The following IFT88 variants were observed in gnomAD, a reference collection of about 807,000 sequenced individuals.
IFT88 encodes intraflagellar transport 88.
Under a neutral mutation model 119.5 loss-of-function variants are expected in IFT88, and 74 were observed. That is an observed-to-expected ratio of 0.62 (90% CI 0.51 to 0.75). IFT88 has a LOEUF of 0.75. IFT88 is among the 30% of genes least tolerant of loss of function. The pLI is 0.00. For synonymous variants in IFT88, 279 were observed against 316.7 expected, an observed-to-expected ratio of 0.88 and a Z score of 1.26; for missense variants, 961 against 977.7, an observed-to-expected ratio of 0.98 and a Z score of 0.23.
intron 9 of IFT88, among the ~76,000 whole-genome samples, chr13:20,597,699 T>G (rs535569519): frequency 3.5e-4 from 52 of 149,672 alleles, no homozygotes; most frequent in Non-Finnish European, 4.3e-4. Flanking sequence ...AGCCAAGATC[T>G]TGCCACCACA....
chr13:20,596,876 C>A (rs2041735717), intron 8 of IFT88, 139 bp from the exon 9 acceptor site: 1 of 465,878 alleles, frequency 2.1e-6, no homozygotes, highest in East Asian at 3.4e-5. Context: ...AGGGAAGTTT[C>A]TGGTAAGAGC....
chr13:20,597,056 C>G lies in IFT88; in HGVS notation c.531C>G (p.Val177=), dbSNP rs1297777921. The change falls in exon 9 of 26, where the codon GTC becomes GTG. Residue 177 remains valine (V), a synonymous_variant. Transcript: ENST00000351808. ...KAKDAGRKER[V]LVRQREQVTT... ...AAGATGCAGGAAGAAAAGAGAGAGT[C>G]CTGGTGAGACAGCGAGAACAAGTTA... 2 of 1,608,226 alleles carry G rather than the reference C, an allele frequency of 1.2e-6. No individual in the cohort carries two copies. The highest frequency in any genetic ancestry group is 2.2e-5 in the South Asian group (2 of 89,882).
At chr13:20,601,483 G>T (rs1320928260) in intron 11 of IFT88, among the ~76,000 whole-genome samples, 3 of 152,078 alleles carry the variant, frequency 2.0e-5, no homozygotes, top group Non-Finnish European at 4.4e-5. Flanking sequence ...TAAGGATGTG[G>T]TTATAGTTCC....
intron 16 of IFT88, among the ~76,000 whole-genome samples, chr13:20,637,268 G>T (rs1022841544): frequency 1.3e-5 from 2 of 152,156 alleles, no homozygotes; most frequent in African/African-American, 2.4e-5. Flanking sequence ...AAGGGGTCAG[G>T]TTTATTATAT....
rs1250851370 is a variant in IFT88, at chr13:20,569,795, G to A, written c.-7+2539G>A. Among the ~76,000 whole-genome samples, 11 of 152,128 alleles carry A rather than the reference G, an allele frequency of 7.2e-5. No individual in the cohort carries two copies. The East Asian group carries it at 2.1e-3, about 29-fold the overall frequency. ...TGTAATCCCAGCACTCTGGGAGGCC[G>A]AGGTGGGCGGATCACAAGGTCAGGA... On this transcript the variant is annotated intron_variant, in intron 1 of 25. Transcript: ENST00000351808.
chr13:20,586,063 G>A (rs573991092), intron 3 of IFT88, among the ~76,000 whole-genome samples: 1 of 152,284 alleles, frequency 6.6e-6, no homozygotes, highest in South Asian at 2.1e-4. Flanking sequence ...TCACGTAACA[G>A]GTGATAATTT....
rs566754896 is a variant in IFT88, at chr13:20,588,957, A to G, written c.154-854A>G. ...GCGTTCTTGGCAGGCCCTCATCACC[A>G]GTGTTTATCCCTTCAGGCTGTGAGT... On this transcript the variant is annotated intron_variant, in intron 3 of 25. Coordinates refer to ENST00000351808, the MANE Select transcript of IFT88 (RefSeq NM_006531.5). 5.3e-5 allele frequency among the ~76,000 whole-genome samples: 8 copies of G among 152,282 alleles called. No individual in the cohort carries two copies. In the East Asian group the frequency reaches 1.5e-3, roughly 29 times the overall value.
chr13:20,672,041 G>T (rs763531697), intron 24 of IFT88, among the ~76,000 whole-genome samples: 11 of 152,186 alleles, frequency 7.2e-5, no homozygotes, highest in Non-Finnish European at 1.3e-4. Context: ...AATCTAGTTG[G>T]AAAGACACAC....
intron 17 of IFT88, among the ~76,000 whole-genome samples, chr13:20,639,786 C>CTTTTTT (rs34190452): frequency 9.1e-5 from 10 of 109,448 alleles, no homozygotes; most frequent in South Asian, 3.2e-4. Flanking sequence ...TAAAATTTGT[C>CTTTTTT]TTTTTTTTTT....
chr13:20,666,175 C>T (rs986300500), intron 23 of IFT88, among the ~76,000 whole-genome samples: 13 of 152,152 alleles, frequency 8.5e-5, no homozygotes, highest in Admixed American at 7.2e-4. Context: ...ACCGTGTGAT[C>T]TGGAATGGAT....
At chr13:20,663,655 C>A in intron 23 of IFT88, 51 bp downstream of exon 23, 1 of 1,265,358 alleles carries the variant, frequency 7.9e-7, no homozygotes, top group Non-Finnish European at 1.1e-6. Context: ...AGAATGTCAG[C>A]CTTCTATAGC....
intron 2 of IFT88, 23 bp downstream of exon 2, chr13:20,574,498 T>C: frequency 7.4e-7 from 1 of 1,355,194 alleles, no homozygotes; most frequent in Non-Finnish European, 1.0e-6. Flanking sequence ...AGTTGTTTTT[T>C]ACATTGGTCT....
intron 15 of IFT88, among the ~76,000 whole-genome samples, chr13:20,627,018 G>T (rs113991639): frequency 8.5e-5 from 13 of 152,110 alleles, no homozygotes; most frequent in African/African-American, 2.7e-4. Context: ...AAAGGAAGTG[G>T]GGAGAACATT....
chr13:20,603,386 C>CA (rs59421842), intron 12 of IFT88, among the ~76,000 whole-genome samples: 2,552 of 95,922 alleles, frequency 0.027, 44 homozygotes, highest in African/African-American at 0.04. Context: ...AACTCCATCT[C>CA]AAAAAAAAAA....
chr13:20,610,199 A>G (rs546953605), intron 13 of IFT88, among the ~76,000 whole-genome samples: 2 of 151,762 alleles, frequency 1.3e-5, no homozygotes, highest in Non-Finnish European at 2.9e-5. Context: ...ACATTCCAGG[A>G]GAGGTGACTG....
chr13:20,633,021 A>G (rs147975485), intron 16 of IFT88, among the ~76,000 whole-genome samples: 1 of 152,312 alleles, frequency 6.6e-6, no homozygotes, highest in African/African-American at 2.4e-5. Context: ...CAGTGCTTCA[A>G]TCTACTGGTA....
At chr13:20,616,084 C>G (rs2987988) in intron 14 of IFT88, among the ~76,000 whole-genome samples, 1 of 152,174 alleles carries the variant, frequency 6.6e-6, no homozygotes, top group African/African-American at 2.4e-5. Context: ...TTTTGTAAAT[C>G]AAGTAGTTAT....
intron 15 of IFT88, among the ~76,000 whole-genome samples, chr13:20,627,717 C>CGA (rs1053906757): frequency 9.6e-6 from 1 of 104,320 alleles, no homozygotes; most frequent in Non-Finnish European, 1.7e-5. Flanking sequence ...AGTGACAGAG[C>CGA]GAGACTTCAT....
intron 14 of IFT88, among the ~76,000 whole-genome samples, chr13:20,618,111 G>A (rs534720627): frequency 8.6e-5 from 13 of 152,012 alleles, no homozygotes; most frequent in African/African-American, 2.7e-4. Flanking sequence ...TAGTAGAGAC[G>A]GGGTTTCACC....
Sources: gnomAD v4.1 joint callset for allele counts (sites outside exome capture counted in the v4.1 genomes callset) on GRCh38, gnomAD v4.1.1 for gene constraint, MANE v1.5 for transcripts, NCBI Gene and HGNC (gene_info 2026-07-23, HGNC 2026-07-21) for gene names.